The following EPHA6 variants were observed in gnomAD, a reference collection of about 807,000 sequenced individuals.
EPHA6 encodes ephrin type-A receptor 6.
In EPHA6, 50 loss-of-function variants were observed where a neutral mutation model predicts 112.0. The observed-to-expected ratio is 0.45, with a 90% confidence interval of 0.36 to 0.56. The LOEUF (loss-of-function observed/expected upper bound fraction) is 0.56. Ranked by LOEUF, EPHA6 falls within the 20% of genes least tolerant of loss-of-function variation. The pLI is 0.00. For missense variants in EPHA6, 1,280 were observed against 1,417.4 expected (o/e 0.90, Z 1.56); for synonymous variants, 529 against 490.7 (o/e 1.08, Z -1.03).
chr3:97,082,197 G>T (rs1010300325), intron 3 of EPHA6, among the ~76,000 whole-genome samples: 3 of 151,818 alleles, frequency 2.0e-5, no homozygotes, highest in African/African-American at 7.2e-5. Context: ...AATCTCTTTT[G>T]CAGTTATGAT....
At chr3:97,493,479 A>G (rs9869935) in intron 10 of EPHA6, among the ~76,000 whole-genome samples, 10,365 of 152,172 alleles carry the variant, frequency 0.068, 1,106 homozygotes, top group African/African-American at 0.23. Flanking sequence ...CTCTTCGTAT[A>G]AGATCACAGT....
chr3:97,211,740 A>G (rs1190527323), intron 3 of EPHA6, among the ~76,000 whole-genome samples: 2 of 152,208 alleles, frequency 1.3e-5, no homozygotes, highest in Non-Finnish European at 2.9e-5. Flanking sequence ...ACACTCAGTC[A>G]ATAACACCTA....
intron 10 of EPHA6, among the ~76,000 whole-genome samples, chr3:97,530,380 A>G (rs2092681758): frequency 1.3e-5 from 2 of 152,048 alleles, no homozygotes; most frequent in Admixed American, 1.3e-4. Context: ...CAGTCATTAA[A>G]GGAATAACTT....
At chr3:97,048,121 G>T (rs2108075769) in intron 3 of EPHA6, among the ~76,000 whole-genome samples, 1 of 152,260 alleles carries the variant, frequency 6.6e-6, no homozygotes, top group Admixed American at 6.5e-5. Context: ...CATAACATCT[G>T]CCCAAGATGA....
intron 1 of EPHA6, among the ~76,000 whole-genome samples, chr3:96,862,509 A>G (rs150965001): frequency 6.4e-4 from 97 of 152,070 alleles, no homozygotes; most frequent in African/African-American, 2.2e-3. Context: ...CTCAATTTAC[A>G]TGACATTGAC....
chr3:97,061,957 T>G (rs2046035956), intron 3 of EPHA6, among the ~76,000 whole-genome samples: 1 of 152,204 alleles, frequency 6.6e-6, no homozygotes, highest in Admixed American at 6.5e-5. Context: ...GAAATATTTA[T>G]AGTATGAGTG....
rs1553730705 is a variant in EPHA6, at chr3:97,255,177, T to TGC, written c.1606+10891_1606+10892insCG. Among the ~76,000 whole-genome samples, 12 of 148,536 alleles carry TGC rather than the reference T, an allele frequency of 8.1e-5. 1 individual carries two copies. Among genetic ancestry groups the TGC allele is most frequent in the African/African-American group, 2.5e-4 (10 of 39,338 alleles). On this transcript the variant is annotated intron_variant, in intron 5 of 17. Coordinates refer to ENST00000389672, the MANE Select transcript of EPHA6 (RefSeq NM_001080448.3). ...GTGTGTGTGTGTGTGTGTGTGTGTGTGTGTTCAAAATAACCTGAAAGCCTC... is the reference window on the plus strand; with the variant it reads ...GTGTGTGTGTGTGTGTGTGTGTGTGTGCGTGTTCAAAATAACCTGAAAGCCTC...
chr3:97,463,237 C>T (rs1025328098), intron 7 of EPHA6, among the ~76,000 whole-genome samples: 1 of 151,980 alleles, frequency 6.6e-6, no homozygotes, highest in African/African-American at 2.4e-5. Context: ...TCTCCTAATG[C>T]TTTTTTAAGC....
rs1354865006 is a variant in EPHA6 at position 97,754,049 on chromosome 3, G to A, written c.*5348G>A. 6.8e-6 allele frequency among the ~76,000 whole-genome samples: 1 copy of A among 146,392 alleles called. No individual in the cohort carries two copies. Among genetic ancestry groups the A allele is most frequent in the Non-Finnish European group, 1.5e-5 (1 of 66,420 alleles). ...TAAATTAGCTTCAAATTAACAATGA[G>A]TTTGTATAAAATGTATAAAAAATAA... On this transcript the variant is annotated 3_prime_UTR_variant, in exon 18 of 18. Transcript: ENST00000389672.
rs566471422 is a variant in EPHA6, at chr3:97,537,012, C to T, written c.2386+4469C>T. ...TTGTGCCAGTGATAACTTACCACTC[C>T]ACCTCCAACTTTATTATAACTTCAG... On this transcript the variant is annotated intron_variant, in intron 11 of 17. Coordinates refer to ENST00000389672, the MANE Select transcript of EPHA6 (RefSeq NM_001080448.3). Among the ~76,000 whole-genome samples, 11 of 152,176 alleles carry T rather than the reference C, an allele frequency of 7.2e-5. No homozygotes were observed. The East Asian group carries it at 2.1e-3, about 29-fold the overall frequency.
intron 2 of EPHA6, among the ~76,000 whole-genome samples, chr3:96,965,903 A>G (rs918510301): frequency 3.3e-5 from 5 of 152,058 alleles, no homozygotes; most frequent in African/African-American, 9.7e-5. Context: ...GAATAGTTGC[A>G]CTGTGATTTT....
intron 3 of EPHA6, among the ~76,000 whole-genome samples, chr3:97,175,256 G>A: frequency 6.6e-6 from 1 of 151,766 alleles, no homozygotes; most frequent in Non-Finnish European, 1.5e-5. Flanking sequence ...ATTGGTCTAT[G>A]TTTCCATTTT....
intron 13 of EPHA6, among the ~76,000 whole-genome samples, chr3:97,617,772 T>G (rs1403203459): frequency 1.3e-5 from 2 of 152,156 alleles, no homozygotes; most frequent in Non-Finnish European, 1.5e-5. Flanking sequence ...AGCGCTCAGA[T>G]TCATAAAGCA....
intron 4 of EPHA6, among the ~76,000 whole-genome samples, chr3:97,227,736 C>T (rs751961746): frequency 1.4e-5 from 2 of 146,410 alleles, no homozygotes; most frequent in African/African-American, 2.7e-5. Context: ...CTTCATGCCT[C>T]AGCATGGGAC....
At chr3:97,286,117 T>G (rs2080455821) in intron 5 of EPHA6, among the ~76,000 whole-genome samples, 2 of 152,210 alleles carry the variant, frequency 1.3e-5, no homozygotes, top group Non-Finnish European at 2.9e-5. Flanking sequence ...CTGTTCTCTG[T>G]ATATTCTTTG....
At chr3:97,386,483 A>C (rs1446500128) in intron 5 of EPHA6, among the ~76,000 whole-genome samples, 1 of 152,218 alleles carries the variant, frequency 6.6e-6, no homozygotes, top group Admixed American at 6.5e-5. Context: ...AAAATGATCT[A>C]CTTTGACTCC....
intron 3 of EPHA6, chr3:97,010,070 G>A: frequency 1.5e-6 from 2 of 1,292,370 alleles, no homozygotes; most frequent in Admixed American, 2.3e-5. Context: ...AACCTTTGAA[G>A]AATAAAAGAA....
At chr3:97,096,420 A>G (rs1247639875) in intron 3 of EPHA6, among the ~76,000 whole-genome samples, 2 of 151,934 alleles carry the variant, frequency 1.3e-5, no homozygotes, top group African/African-American at 4.8e-5. Flanking sequence ...TTTTAAATCT[A>G]TGAACATTTC....
At chr3:96,899,891 G>A (rs1253145956) in intron 2 of EPHA6, among the ~76,000 whole-genome samples, 1 of 151,928 alleles carries the variant, frequency 6.6e-6, no homozygotes, top group African/African-American at 2.4e-5. Context: ...CACTTTAGAT[G>A]TGACCTCTAA....
Sources: gnomAD v4.1 joint callset for allele counts (sites outside exome capture counted in the v4.1 genomes callset) on GRCh38, gnomAD v4.1.1 for gene constraint, MANE v1.5 for transcripts, NCBI Gene and HGNC (gene_info 2026-07-23, HGNC 2026-07-21) for gene names.